FAM227B: variants seen among roughly 807,000 people sequenced by gnomAD.
The protein encoded by FAM227B is protein FAM227B.
FAM227B carries 88 observed loss-of-function variants against 73.8 expected under a neutral mutation model. That is an observed-to-expected ratio of 1.19 (90% CI 1.00 to 1.42). The LOEUF (loss-of-function observed/expected upper bound fraction) is 1.42, where lower values mean the gene tolerates loss of function less well. FAM227B is among the 40% of genes most tolerant of loss of function. The pLI is 0.00. For synonymous variants in FAM227B, 210 were observed against 190.5 expected (o/e 1.10, Z -0.84); for missense variants, 632 against 590.9 (o/e 1.07, Z -0.72).
intron 10 of FAM227B, among the ~76,000 whole-genome samples, chr15:49,532,469 A>G (rs2060681776): frequency 6.6e-6 from 1 of 151,174 alleles, no homozygotes; most frequent in Admixed American, 6.6e-5. Flanking sequence ...TGACAATACA[A>G]GCAAAATTAA....
At chr15:49,335,178 G>A (rs2039489297) in intron 14 of FAM227B, among the ~76,000 whole-genome samples, 1 of 152,026 alleles carries the variant, frequency 6.6e-6, no homozygotes, top group African/African-American at 2.4e-5. Flanking sequence ...CTGTTGGGGT[G>A]CACCCCTCCA....
intron 11 of FAM227B, among the ~76,000 whole-genome samples, chr15:49,466,357 C>G (rs986256289): frequency 6.6e-6 from 1 of 152,072 alleles, no homozygotes; most frequent in African/African-American, 2.4e-5. Context: ...GTAGGCAGAG[C>G]AGGTAGAGAC....
chr15:49,590,179 C>T (rs2076441042), intron 3 of FAM227B, among the ~76,000 whole-genome samples, 172 bp from the exon 4 acceptor site: 1 of 152,122 alleles, frequency 6.6e-6, no homozygotes, highest in Non-Finnish European at 1.5e-5. Context: ...AAGTCCTTTA[C>T]TAAAACTATT....
intron 11 of FAM227B, among the ~76,000 whole-genome samples, chr15:49,376,887 TTTC>T (rs1445156871): frequency 6.6e-6 from 1 of 152,024 alleles, no homozygotes; most frequent in Non-Finnish European, 1.5e-5. Flanking sequence ...ATGGGGTGGT[TTTC>T]TTTTCTATTA....
intron 1 of FAM227B, among the ~76,000 whole-genome samples, chr15:49,618,129 A>G (rs1051011288): frequency 1.6e-4 from 25 of 152,328 alleles, no homozygotes; most frequent in Non-Finnish European, 2.8e-4. Flanking sequence ...GCCATATAAA[A>G]TATCAACAGG....
At chr15:49,475,727 C>A (rs986866861) in intron 11 of FAM227B, among the ~76,000 whole-genome samples, 5 of 152,072 alleles carry the variant, frequency 3.3e-5, no homozygotes, top group African/African-American at 1.2e-4. Context: ...GTGGCTTATA[C>A]TTGTAATCCC....
chr15:49,466,551 T>G (rs764888461), intron 11 of FAM227B, among the ~76,000 whole-genome samples: 1 of 152,184 alleles, frequency 6.6e-6, no homozygotes, highest in African/African-American at 2.4e-5. Flanking sequence ...CCACTGAAAC[T>G]TTTGAAGCAG....
chr15:49,464,532 A>C (rs1419293429), intron 11 of FAM227B, among the ~76,000 whole-genome samples: 1 of 152,194 alleles, frequency 6.6e-6, no homozygotes, highest in East Asian at 1.9e-4. Flanking sequence ...GAACATTTAT[A>C]TATAGGTAGG....
chr15:49,580,160 A>G (rs2075722143), intron 5 of FAM227B, among the ~76,000 whole-genome samples: 1 of 152,198 alleles, frequency 6.6e-6, no homozygotes, highest in Non-Finnish European at 1.5e-5. Flanking sequence ...AACTATTAAA[A>G]CTTTTGTTAG....
chr15:49,469,191 A>G (rs149543980), intron 11 of FAM227B, among the ~76,000 whole-genome samples: 1,745 of 152,276 alleles, frequency 0.011, 15 homozygotes, highest in Middle Eastern at 0.037. Context: ...CTTATAAGAC[A>G]TTTGTCTATA....
chr15:49,336,189 C>T (rs2039683353), intron 13 of FAM227B, among the ~76,000 whole-genome samples: 1 of 152,224 alleles, frequency 6.6e-6, no homozygotes, highest in Non-Finnish European at 1.5e-5. Context: ...TGCGTGGCTG[C>T]CTCAGTTAGC....
At chr15:49,489,274 A>G (rs2056673908) in intron 11 of FAM227B, 12 of 985,076 alleles carry the variant, frequency 1.2e-5, no homozygotes, top group South Asian at 9.4e-5. Context: ...ACAGGGTCTA[A>G]TAAGAGTAAT....
At chr15:49,406,385 C>A (rs2048508140) in intron 11 of FAM227B, among the ~76,000 whole-genome samples, 1 of 152,102 alleles carries the variant, frequency 6.6e-6, no homozygotes. Context: ...GGGGGGCATC[C>A]CTGCTGGTGA....
intron 13 of FAM227B, among the ~76,000 whole-genome samples, chr15:49,341,223 C>T (rs2040683827): frequency 6.6e-6 from 1 of 151,958 alleles, no homozygotes; most frequent in African/African-American, 2.4e-5. Flanking sequence ...GTTCTTTTTG[C>T]TTAGGATTTT....
intron 11 of FAM227B, among the ~76,000 whole-genome samples, chr15:49,433,491 A>C (rs1025011903): frequency 6.6e-6 from 1 of 151,808 alleles, no homozygotes; most frequent in East Asian, 1.9e-4. Context: ...GAAATAGATT[A>C]CTAAATTATC....
chr15:49,425,029 A>G lies in FAM227B; in HGVS notation c.1013-53630T>C, dbSNP rs2050000155. 3 of 153,296 alleles carry G rather than the reference A, an allele frequency of 2.0e-5. No individual in the cohort carries two copies. The South Asian group carries it at 6.1e-4, about 31-fold the overall frequency. 9.5% of individuals were successfully genotyped at this position (153,296 alleles called of 1,614,324 possible). On this transcript the variant is annotated intron_variant, in intron 11 of 15. Transcript: ENST00000299338. ...TTTTCTTTGAAATAATATTTTCATGATGTAAATTAAAATACTTAATCTGTG... is the reference window on the plus strand; with the variant it reads ...TTTTCTTTGAAATAATATTTTCATGGTGTAAATTAAAATACTTAATCTGTG...
chr15:49,610,420 TAAAAAAAAAAA>T (rs72044107), intron 3 of FAM227B, among the ~76,000 whole-genome samples: 4 of 119,608 alleles, frequency 3.3e-5, no homozygotes, highest in Non-Finnish European at 7.0e-5. Flanking sequence ...ACATTGAAAG[TAAAAAAAAAAA>T]AAAAAAAAAA....
At chr15:49,377,928 G>A (rs1204319926) in intron 11 of FAM227B, among the ~76,000 whole-genome samples, 1 of 152,074 alleles carries the variant, frequency 6.6e-6, no homozygotes, top group Admixed American at 6.5e-5. Context: ...TCAAAAAAAT[G>A]TCACTTAGAC....
At chr15:49,570,446 A>G (rs961826495) in intron 8 of FAM227B, among the ~76,000 whole-genome samples, 19 of 151,896 alleles carry the variant, frequency 1.3e-4, no homozygotes, top group African/African-American at 4.3e-4. Flanking sequence ...AGCTATTTGT[A>G]TGTCTTCCTT....
Sources: allele counts gnomAD v4.1 joint callset (sites outside exome capture counted in the v4.1 genomes callset), GRCh38; gene constraint gnomAD v4.1.1; transcripts MANE v1.5; gene names NCBI Gene and HGNC (gene_info 2026-07-23, HGNC 2026-07-21).